Variants in ALG1 observed in about 807,000 individuals in gnomAD.
The protein encoded by ALG1 is ALG1 chitobiosyldiphosphodolichol beta-mannosyltransferase.
In ALG1, 58 loss-of-function variants were observed where a neutral mutation model predicts 55.1. The ratio of observed to expected loss-of-function variants is 1.05; its 90% CI spans 0.85 to 1.31. The LOEUF is 1.31. Ranked by LOEUF, ALG1 falls within the 50% of genes most tolerant of loss-of-function variation. The probability of loss-of-function intolerance (pLI) is 0.00; values close to 1 mark genes in which losing one functional copy is unlikely to be tolerated. For synonymous variants in ALG1, 309 were observed against 247.0 expected (o/e 1.25, Z -2.35); for missense variants, 761 against 598.6 (o/e 1.27, Z -2.83).
Position 5,085,049 on chromosome 16 carries a change from T to C in ALG1, c.*168T>C, listed in dbSNP as rs1047639. The C allele has an allele frequency of 7.8e-7, 1 of 1,275,800 alleles. No homozygotes were observed. The highest frequency in any genetic ancestry group is 2.1e-5 in the Admixed American group (1 of 47,232). 79.0% of individuals were successfully genotyped at this position (1,275,800 alleles called of 1,614,324 possible). ...AATTGGTTCTGTGACCCGGGAAGCTTTGGTTGGCCTTGATTTCTTCTCTGG... is the reference window on the plus strand; with the variant it reads ...AATTGGTTCTGTGACCCGGGAAGCTCTGGTTGGCCTTGATTTCTTCTCTGG... On this transcript the variant is annotated 3_prime_UTR_variant, in exon 13 of 13. Transcript: ENST00000262374.
chr16:5,080,526 C>T (rs868240127), intron 9 of ALG1, among the ~76,000 whole-genome samples: 41 of 152,360 alleles, frequency 2.7e-4, no homozygotes, highest in Middle Eastern at 3.4e-3. Flanking sequence ...TGGTCCTGCT[C>T]TCCTCCCTCC....
intron 10 of ALG1, 116 bp from the exon 11 acceptor site, chr16:5,082,443 G>A: frequency 9.0e-7 from 1 of 1,116,330 alleles, no homozygotes; most frequent in Non-Finnish European, 1.3e-6. Context: ...GTTTGGGGCT[G>A]TTGGGGGCCT....
intron 12 of ALG1, chr16:5,084,302 G>C (rs1006691414): frequency 1.2e-5 from 4 of 347,394 alleles, no homozygotes; most frequent in African/African-American, 6.3e-5. Context: ...AAGGGGTGTG[G>C]CTTTGTTCCA....
In ALG1 at chr16:5,078,668, C is replaced by T; in HGVS notation, c.741-89C>T. ...GGCTGGGCACCCCAACCTCTGGGAG[C>T]CTGCAGGCCTCGCCACGGCAGGAGA... On this transcript the variant is annotated intron_variant, in intron 6 of 12. Transcript: ENST00000262374. 3 of 1,610,388 alleles carry T rather than the reference C, an allele frequency of 1.9e-6. No homozygotes were observed. The South Asian group carries it at 3.3e-5, about 18-fold the overall frequency.
At position 5,087,133 on chromosome 16, in the gene ALG1, C is replaced by G. The variant is rs1474365405; in HGVS notation, c.*2252C>G. The G allele has an allele frequency of 2.0e-5, 3 of 152,296 alleles. No individual in the cohort carries two copies. 9.4% of individuals were successfully genotyped at this position (152,296 alleles called of 1,614,324 possible). On this transcript the variant is annotated 3_prime_UTR_variant, in exon 13 of 13. Transcript: ENST00000262374. ...ATATCAGGGATGTCCAATCTTTTGG[C>G]CTCCCTGTGCCACACTGGAAGAAGA...
intron 12 of ALG1, 181 bp from the exon 13 acceptor site, chr16:5,084,569 C>T (rs1444114263): frequency 2.0e-6 from 2 of 987,804 alleles, no homozygotes; most frequent in Non-Finnish European, 3.0e-6. Context: ...TTTCCAGAAA[C>T]TGTGATGTCA....
Position 5,072,014 on chromosome 16 carries a change from G to T in ALG1, c.165G>T (p.Ser55=). ...RSPRMQYHAL[S]LAMHGFSVTL... ...CCCGTATGCAGTACCACGCGCTGTC[G>T]TTGGCCATGCACGGCTTCTCGGTGA... The change falls in exon 1 of 13, where the codon TCG becomes TCT. Residue 55 remains serine, a synonymous_variant. Transcript: ENST00000262374. 6.3e-7 allele frequency: 1 copy of T among 1,597,914 alleles called. No individual in the cohort carries two copies. Among genetic ancestry groups the T allele is most frequent in the Non-Finnish European group, 8.5e-7 (1 of 1,171,994 alleles).
intron 3 of ALG1, among the ~76,000 whole-genome samples, chr16:5,074,194 G>A (rs1418720205): frequency 6.6e-6 from 1 of 151,526 alleles, no homozygotes; most frequent in African/African-American, 2.4e-5. Context: ...TGCTCAGGCT[G>A]GAGTGCAGTG....
rs1957147323 is a variant in ALG1 at position 5,085,912 on chromosome 16, A to G, written c.*1031A>G. Among the ~76,000 whole-genome samples the G allele has an allele frequency of 1.3e-5, 2 of 152,180 alleles. No individual in the cohort carries two copies. Among genetic ancestry groups the G allele is most frequent in the African/African-American group, 4.8e-5 (2 of 41,436 alleles). The stretch of plus-strand genomic sequence containing the variant: ...AATTGGCCTCCAGGATGGGACCAGA[A>G]AGCTGGTTTTGCATAGAAATGGCTA... On this transcript the variant is annotated 3_prime_UTR_variant, in exon 13 of 13. Transcript: ENST00000262374.
rs1229891464 is a variant in ALG1 at position 5,086,204 on chromosome 16, G to T, written c.*1323G>T. Among the ~76,000 whole-genome samples, 1 of 152,064 alleles carries T rather than the reference G, an allele frequency of 6.6e-6. No individual in the cohort carries two copies. Among genetic ancestry groups the T allele is most frequent in the Non-Finnish European group, 1.5e-5 (1 of 67,998 alleles). On this transcript the variant is annotated 3_prime_UTR_variant, in exon 13 of 13. Transcript: ENST00000262374. ...ACAGAAATTAGCCAGGCATGATGGCGAGTGCCTGTAATCCCAGCTACTTGG... is the reference window on the plus strand; with the variant it reads ...ACAGAAATTAGCCAGGCATGATGGCTAGTGCCTGTAATCCCAGCTACTTGG...
At position 5,075,511 on chromosome 16, in the gene ALG1, C is replaced by A. The variant is rs775720618; in HGVS notation, c.514C>A (p.His172Asn). 6 of 1,614,060 alleles carry A rather than the reference C, an allele frequency of 3.7e-6. No individual in the cohort carries two copies. The highest frequency in any genetic ancestry group is 5.1e-6 in the Non-Finnish European group (6 of 1,180,046). ...SIMGLVHGPN[H>N]PLVLLAKWYE... is the part of the protein sequence containing the mutation. ...CATGGGTCTGGTGCATGGCCCCAAC[C>A]ATCCCCTCGTTCTGCTGGCCAAGTG... The change falls in exon 4 of 13, where the codon CAT (histidine) becomes AAT (asparagine). Residue 172 changes from histidine to asparagine, a missense_variant. Physicochemically the swap from His to Asn is moderately conservative, Grantham distance 68. Transcript: ENST00000262374.
rs142429968 is a variant in ALG1 at position 5,084,559 on chromosome 16, T to C, written c.1264-191T>C. ...TGGGAAAGTGGGACATGCGGGGAAG[T>C]TTCCAGAAACTGTGATGTCAAGTTG... On this transcript the variant is annotated intron_variant, in intron 12 of 12. Transcript: ENST00000262374. 3.2e-6 allele frequency: 3 copies of C among 931,588 alleles called. No individual in the cohort carries two copies. The African/African-American group carries it at 4.9e-5, about 15-fold the overall frequency. The allele number at this position is 931,588 out of a possible 1,614,324, so 57.7% of individuals were successfully genotyped here. A position where few individuals can be genotyped will look rare whatever the true frequency, so the allele number is the denominator to read the frequency against.
chr16:5,072,982 C>G lies in ALG1; in HGVS notation c.240C>G (p.Asn80Lys). The G allele has an allele frequency of 1.2e-6, 2 of 1,614,172 alleles. No homozygotes were observed. The highest frequency in any genetic ancestry group is 1.7e-6 in the Non-Finnish European group (2 of 1,180,018). The change falls in exon 2 of 13, where the codon AAC (asparagine) becomes AAG (lysine). Residue 80 changes from asparagine to lysine, a missense_variant. Physicochemically the swap from Asn to Lys is moderately conservative, Grantham distance 94 (BLOSUM62 0). Coordinates refer to ENST00000262374, the MANE Select transcript of ALG1 (RefSeq NM_019109.5). ...AACCCCATGATGAGCTCTTGCAGAA[C>G]AACAGAATTCAGATTGTGGGGTTGA... ...NSKPHDELLQ[N>K]NRIQIVGLTE... is the part of the protein sequence containing the mutation.
chr16:5,085,657 A>C lies in ALG1; in HGVS notation c.*776A>C. 6.2e-7 allele frequency: 1 copy of C among 1,611,438 alleles called. No homozygotes were observed. The highest frequency in any genetic ancestry group is 8.5e-7 in the Non-Finnish European group (1 of 1,179,362). The stretch of plus-strand genomic sequence containing the variant: ...CTACAGGGTGAGATTCAGCATTGCC[A>C]TCTCCAAGTGCTCTTCGTAGGGAAA... On this transcript the variant is annotated 3_prime_UTR_variant, in exon 13 of 13. Coordinates refer to ENST00000262374, the MANE Select transcript of ALG1 (RefSeq NM_019109.5).
chr16:5,082,038 G>A (rs1252991496), intron 10 of ALG1, among the ~76,000 whole-genome samples: 1 of 151,896 alleles, frequency 6.6e-6, no homozygotes, highest in Non-Finnish European at 1.5e-5. Flanking sequence ...GCCTTCCCGG[G>A]TTCAAGCGAT....
intron 11 of ALG1, among the ~76,000 whole-genome samples, chr16:5,082,943 A>C (rs1957041347): frequency 1.3e-5 from 2 of 150,440 alleles, no homozygotes; most frequent in African/African-American, 4.9e-5. Context: ...TTTTGCACCA[A>C]CCCAATATGA....
chr16:5,085,632 C>T lies in ALG1; in HGVS notation c.*751C>T, dbSNP rs1337048855. On this transcript the variant is annotated 3_prime_UTR_variant, in exon 13 of 13. Coordinates refer to ENST00000262374, the MANE Select transcript of ALG1 (RefSeq NM_019109.5). ...ATCCCGTTGGAGTCGTGTGTGAGTCCTACAGGGTGAGATTCAGCATTGCCA... is the reference window on the plus strand; with the variant it reads ...ATCCCGTTGGAGTCGTGTGTGAGTCTTACAGGGTGAGATTCAGCATTGCCA... 6 of 1,602,484 alleles carry T rather than the reference C, an allele frequency of 3.7e-6. No individual in the cohort carries two copies. Among genetic ancestry groups the T allele is most frequent in the East Asian group, 4.5e-5 (2 of 44,846 alleles).
At chr16:5,075,134 G>C (rs972768770) in intron 3 of ALG1, among the ~76,000 whole-genome samples, 2 of 152,068 alleles carry the variant, frequency 1.3e-5, no homozygotes, top group Non-Finnish European at 2.9e-5. Context: ...GAACTCCTGG[G>C]CTCAAATGAT....
In ALG1 at chr16:5,086,853, G is replaced by C. The variant is rs891459017; in HGVS notation, c.*1972G>C. ...GGCTAATTTTTGTGTTTTTAGTAGA[G>C]ATGGGGTTTCACCATGTGGGCCAGG... On this transcript the variant is annotated 3_prime_UTR_variant, in exon 13 of 13. Transcript: ENST00000262374. 6.6e-6 allele frequency: 1 copy of C among 152,208 alleles called. No individual in the cohort carries two copies. Among genetic ancestry groups the C allele is most frequent in the Non-Finnish European group, 1.5e-5 (1 of 68,074 alleles). 9.4% of individuals were successfully genotyped at this position (152,208 alleles called of 1,614,324 possible).
Sources: gnomAD v4.1 joint callset for allele counts (sites outside exome capture counted in the v4.1 genomes callset) on GRCh38, gnomAD v4.1.1 for gene constraint, MANE v1.5 for transcripts, NCBI Gene and HGNC (gene_info 2026-07-23, HGNC 2026-07-21) for gene names.